The following CALN1 variants were observed in gnomAD, a reference collection of about 807,000 sequenced individuals.
CALN1 encodes calcium-binding protein 8.
In CALN1, 17 loss-of-function variants were observed where a neutral mutation model predicts 30.6. The ratio of observed to expected loss-of-function variants is 0.56; its 90% CI spans 0.38 to 0.83. The LOEUF (loss-of-function observed/expected upper bound fraction) is 0.83, where lower values mean the gene tolerates loss of function less well. Ranked by LOEUF, CALN1 falls within the 40% of genes least tolerant of loss-of-function variation. The probability of loss-of-function intolerance (pLI) is 0.00; values close to 1 mark genes in which losing one functional copy is unlikely to be tolerated. For synonymous variants in CALN1, 156 were observed against 131.4 expected, an observed-to-expected ratio of 1.19 and a Z score of -1.28; for missense variants, 291 against 354.9, an observed-to-expected ratio of 0.82 and a Z score of 1.45.
Position 72,004,126 on chromosome 7 carries a change from TAA to T in CALN1, c.501+19529_501+19530del, listed in dbSNP as rs543007022. Among the ~76,000 whole-genome samples, 285 of 152,334 alleles carry T rather than the reference TAA, an allele frequency of 1.9e-3. 3 individuals are homozygous for T. The highest frequency in any genetic ancestry group is 6.6e-3 in the African/African-American group (274 of 41,578). On this transcript the variant is annotated intron_variant, in intron 5 of 6. Transcript: ENST00000395275. ...GTACAAGAAATCACTTAACTGATAT[TAA>T]GTCTTACTATATAGTTACAGTAATC...
intron 2 of CALN1, among the ~76,000 whole-genome samples, chr7:72,319,812 G>A (rs2129557173): frequency 6.6e-6 from 1 of 152,218 alleles, no homozygotes; most frequent in Non-Finnish European, 1.5e-5. Flanking sequence ...TGTACACACG[G>A]ACATAGAGAG....
chr7:72,439,238 C>T (rs1176856995), intron 1 of CALN1, among the ~76,000 whole-genome samples: 1 of 152,054 alleles, frequency 6.6e-6, no homozygotes, highest in Non-Finnish European at 1.5e-5. Flanking sequence ...CGCCATGTTG[C>T]CCAGGTTGGT....
chr7:72,274,478 A>C (rs1797210019), intron 3 of CALN1, among the ~76,000 whole-genome samples: 1 of 150,696 alleles, frequency 6.6e-6, no homozygotes, highest in Admixed American at 6.7e-5. Context: ...ACTGCACTCC[A>C]GCCTCGGTGA....
chr7:71,999,045 A>G (rs1799397502), intron 5 of CALN1, among the ~76,000 whole-genome samples: 1 of 152,204 alleles, frequency 6.6e-6, no homozygotes, highest in African/African-American at 2.4e-5. Flanking sequence ...AAAAAAACAG[A>G]TTGGCAAAGT....
intron 3 of CALN1, among the ~76,000 whole-genome samples, chr7:72,256,282 G>C (rs901953224): frequency 6.6e-6 from 1 of 152,096 alleles, no homozygotes; most frequent in East Asian, 1.9e-4. Flanking sequence ...AATAGAGTTA[G>C]ACCTCATCGC....
intron 4 of CALN1, among the ~76,000 whole-genome samples, chr7:72,068,540 T>C (rs1478197611): frequency 1.3e-5 from 2 of 152,144 alleles, no homozygotes; most frequent in African/African-American, 4.8e-5. Flanking sequence ...CAAGCTGGAG[T>C]GCAGTGGCGA....
intron 3 of CALN1, among the ~76,000 whole-genome samples, chr7:72,138,584 G>T (rs1044041039): frequency 6.6e-5 from 10 of 152,166 alleles, no homozygotes; most frequent in Admixed American, 6.5e-4. Flanking sequence ...GGCTCTGAAG[G>T]TGCGTATTTT....
chr7:71,793,898 A>C (rs1786729628), intron 6 of CALN1, among the ~76,000 whole-genome samples: 1 of 152,138 alleles, frequency 6.6e-6, no homozygotes, highest in Non-Finnish European at 1.5e-5. Context: ...CACATACAAA[A>C]AAGATCTATC....
intron 5 of CALN1, among the ~76,000 whole-genome samples, chr7:71,826,492 C>A (rs938708850): frequency 4.6e-5 from 7 of 152,128 alleles, no homozygotes; most frequent in African/African-American, 1.7e-4. Context: ...TTTGACCTGC[C>A]CTTGAATACC....
intron 5 of CALN1, among the ~76,000 whole-genome samples, chr7:71,987,351 C>T (rs1444301401): frequency 1.3e-5 from 2 of 152,220 alleles, no homozygotes; most frequent in African/African-American, 4.8e-5. Flanking sequence ...TTTCACAAGT[C>T]CATGCGGGGG....
intron 5 of CALN1, among the ~76,000 whole-genome samples, chr7:71,863,358 G>A (rs1791404419): frequency 6.6e-6 from 1 of 151,914 alleles, no homozygotes; most frequent in Non-Finnish European, 1.5e-5. Flanking sequence ...AGGAGTTTGA[G>A]ACCAGCCTGG....
At chr7:72,353,005 CTTTT>C (rs1198730766) in intron 2 of CALN1, among the ~76,000 whole-genome samples, 1 of 152,062 alleles carries the variant, frequency 6.6e-6, no homozygotes, top group Non-Finnish European at 1.5e-5. Context: ...GAGAAAAATT[CTTTT>C]AAGAAACACA....
chr7:71,968,814 G>T (rs1465782471), intron 5 of CALN1, among the ~76,000 whole-genome samples: 1 of 151,970 alleles, frequency 6.6e-6, no homozygotes, highest in African/African-American at 2.4e-5. Context: ...GGAGGCTGAG[G>T]TGAGAGGATT....
chr7:72,096,706 T>C (rs1806259011), intron 4 of CALN1, among the ~76,000 whole-genome samples: 1 of 152,198 alleles, frequency 6.6e-6, no homozygotes, highest in Admixed American at 6.5e-5. Context: ...TTTACACTGA[T>C]GGTGGGACTG....
At chr7:72,001,953 A>T (rs1366223640) in intron 5 of CALN1, among the ~76,000 whole-genome samples, 1 of 152,120 alleles carries the variant, frequency 6.6e-6, no homozygotes, top group East Asian at 1.9e-4. Flanking sequence ...AACCATATCA[A>T]GTGAAACAGA....
At chr7:72,229,776 C>T (rs917726232) in intron 3 of CALN1, among the ~76,000 whole-genome samples, 20 of 151,880 alleles carry the variant, frequency 1.3e-4, no homozygotes, top group African/African-American at 4.8e-4. Flanking sequence ...ACACCGGGGC[C>T]TGTCGGAGGG....
the CALN1 span, among the ~76,000 whole-genome samples, chr7:72,463,976 G>A: frequency 2.1e-5 from 2 of 93,838 alleles, no homozygotes; most frequent in South Asian, 3.5e-4. Context: ...AGGAAGGAAG[G>A]AAGGGAAGGA....
intron 5 of CALN1, among the ~76,000 whole-genome samples, chr7:71,954,151 T>C (rs1322949259): frequency 1.3e-5 from 2 of 151,916 alleles, no homozygotes; most frequent in African/African-American, 4.8e-5. Flanking sequence ...TAGCAAGACA[T>C]CATCTCTATG....
intron 5 of CALN1, among the ~76,000 whole-genome samples, chr7:71,969,998 G>GA (rs757884023): frequency 1.3e-5 from 2 of 151,892 alleles, no homozygotes; most frequent in Non-Finnish European, 2.9e-5. Flanking sequence ...CTAATTTTTT[G>GA]ATTTTTGGTA....
Sources: gnomAD v4.1 joint callset for allele counts (sites outside exome capture counted in the v4.1 genomes callset) on GRCh38, gnomAD v4.1.1 for gene constraint, MANE v1.5 for transcripts, NCBI Gene and HGNC (gene_info 2026-07-23, HGNC 2026-07-21) for gene names.